Variants in HHLA2 observed in about 807,000 individuals in gnomAD.
The protein encoded by HHLA2 is HERV-H LTR-associating protein 2.
A neutral mutation model predicts 45.9 loss-of-function variants in HHLA2; 48 were observed. That is an observed-to-expected ratio of 1.05 (90% CI 0.83 to 1.33). The LOEUF is 1.33. HHLA2 is among the 40% of genes most tolerant of loss of function. The pLI is 0.00. For synonymous variants in HHLA2, 161 were observed against 173.9 expected (o/e 0.93, Z 0.59); for missense variants, 462 against 494.3 (o/e 0.93, Z 0.62).
At chr3:108,299,109 A>G (rs2080809681) in intron 1 of HHLA2, among the ~76,000 whole-genome samples, 1 of 152,154 alleles carries the variant, frequency 6.6e-6, no homozygotes. Flanking sequence ...CTTAACTGCA[A>G]TCACTACAAT....
chr3:108,357,980 T>A lies in HHLA2; in HGVS notation c.822T>A (p.Tyr274Ter). ...GGACTTTCTCTGTCCTGGCTTACTA[T>A]CTGAGCTCCTCACAAAATACAATTA... Residue 274 changes from tyrosine (Y) to a stop codon, truncating the protein, a stop_gained, in exon 7 of 11, where the codon TAT (tyrosine) becomes TAA (stop). Transcript: ENST00000619531. LOFTEE classifies it high-confidence loss of function. The A allele has an allele frequency of 6.2e-7, 1 of 1,613,814 alleles. No homozygotes were observed. Among genetic ancestry groups the A allele is most frequent in the Non-Finnish European group, 8.5e-7 (1 of 1,179,730 alleles).
intron 8 of HHLA2, among the ~76,000 whole-genome samples, chr3:108,370,876 G>T (rs924648105): frequency 6.6e-6 from 1 of 152,216 alleles, no homozygotes; most frequent in Admixed American, 6.5e-5. Flanking sequence ...GTGATGGGGA[G>T]AATGGAACCA....
chr3:108,299,235 T>A (rs1251526120), intron 1 of HHLA2, among the ~76,000 whole-genome samples: 1 of 152,008 alleles, frequency 6.6e-6, no homozygotes, highest in South Asian at 2.1e-4. Flanking sequence ...CTAGTAGCTC[T>A]GTAGTTATAT....
chr3:108,313,126 C>G (rs922436875), intron 2 of HHLA2, among the ~76,000 whole-genome samples: 3 of 152,160 alleles, frequency 2.0e-5, no homozygotes, highest in African/African-American at 7.2e-5. Context: ...TCAAGAGTAT[C>G]AATACCTGTG....
intron 5 of HHLA2, among the ~76,000 whole-genome samples, chr3:108,354,263 T>G (rs906569341): frequency 2.0e-5 from 3 of 152,060 alleles, no homozygotes; most frequent in African/African-American, 7.2e-5. Context: ...TATAACACTA[T>G]ACCTATATAA....
At position 108,358,167 on chromosome 3, in the gene HHLA2, T is replaced by C. The variant is rs762138541; in HGVS notation, c.1003+6T>C. 1.9e-6 allele frequency: 3 copies of C among 1,589,594 alleles called. No individual in the cohort carries two copies. The highest frequency in any genetic ancestry group is 2.3e-5 in the South Asian group (2 of 87,792). ...CATCCACACAGTGCATGTAGGTAAGTTGCAAGTAGGTTTGGATAATGGGTT... is the reference window on the plus strand; with the variant it reads ...CATCCACACAGTGCATGTAGGTAAGCTGCAAGTAGGTTTGGATAATGGGTT... On this transcript the variant is annotated splice_donor_region_variant and intron_variant, in intron 7 of 10. Coordinates refer to ENST00000619531, the Ensembl canonical transcript of HHLA2.
chr3:108,310,663 G>C lies in HHLA2; in HGVS notation c.-183G>C, dbSNP rs140395366. ...TTGATTTCTCATCTCAGCACATATA[G>C]AACTGGATGCCCTTGTGGTACATCT... On this transcript the variant is annotated 5_prime_UTR_variant, in exon 2 of 11. Transcript: ENST00000619531. The C allele has an allele frequency of 3.9e-5, 6 of 152,704 alleles. No homozygotes were observed. The East Asian group carries it at 1.2e-3, about 29-fold the overall frequency. 9.5% of individuals were successfully genotyped at this position (152,704 alleles called of 1,614,324 possible).
At chr3:108,362,143 A>AGTCT (rs2081992648) in intron 7 of HHLA2, among the ~76,000 whole-genome samples, 199 bp from the exon 7 acceptor site, 1 of 152,202 alleles carries the variant, frequency 6.6e-6, no homozygotes, top group Admixed American at 6.5e-5. Flanking sequence ...TCTCCTGTCC[A>AGTCT]GTCTGGGCTC....
intron 2 of HHLA2, among the ~76,000 whole-genome samples, chr3:108,319,979 T>A (rs1282468757): frequency 6.6e-6 from 1 of 152,200 alleles, no homozygotes; most frequent in East Asian, 1.9e-4. Context: ...TAATGTCGAC[T>A]TTACCCATGA....
intron 2 of HHLA2, chr3:108,328,230 G>A: frequency 1.0e-6 from 1 of 967,076 alleles, no homozygotes; most frequent in Non-Finnish European, 1.5e-6. Flanking sequence ...CTGGGGCATT[G>A]ATACTCTGGA....
At chr3:108,306,812 A>ATT (rs1016139893) in intron 1 of HHLA2, among the ~76,000 whole-genome samples, 3 of 151,580 alleles carry the variant, frequency 2.0e-5, no homozygotes, top group African/African-American at 7.3e-5. Context: ...ATATATATAT[A>ATT]TTTTTCTATT....
At chr3:108,344,783 C>G (rs75057979) in intron 3 of HHLA2, among the ~76,000 whole-genome samples, 9,732 of 152,272 alleles carry the variant, frequency 0.064, 514 homozygotes, top group East Asian at 0.3. Context: ...TTTCTTTTGT[C>G]TGTTTTCTTG....
In HHLA2 at chr3:108,346,897, G is replaced by C. The variant is rs13326280; in HGVS notation, c.-26-4891G>C. On this transcript the variant is annotated intron_variant, in intron 3 of 10. Transcript: ENST00000619531. ...GTTCTGTTTTCGCTATTTTATGCTT[G>C]TAGAAATGGCCTCAATTTTCTCTTC... Among the ~76,000 whole-genome samples the C allele has an allele frequency of 7.2e-3, 1,094 of 152,274 alleles. 9 individuals are homozygous for C. Among genetic ancestry groups the C allele is most frequent in the African/African-American group, 0.025 (1,025 of 41,570 alleles).
intron 3 of HHLA2, among the ~76,000 whole-genome samples, chr3:108,343,160 A>G (rs1346439917): frequency 6.6e-6 from 1 of 152,204 alleles, no homozygotes; most frequent in African/African-American, 2.4e-5. Context: ...TAGGAGGTCA[A>G]GATAAGTTGG....
intron 2 of HHLA2, among the ~76,000 whole-genome samples, chr3:108,320,849 A>C (rs2081186862): frequency 6.6e-6 from 1 of 152,060 alleles, no homozygotes; most frequent in Non-Finnish European, 1.5e-5. Context: ...ACTGTAATGC[A>C]AAGCAGGTAC....
chr3:108,345,222 G>T (rs1016023357), intron 3 of HHLA2, among the ~76,000 whole-genome samples: 1 of 152,240 alleles, frequency 6.6e-6, no homozygotes. Context: ...CTGGGCTACA[G>T]GATGTTTCTT....
At chr3:108,362,090 A>T (rs1012846707) in intron 7 of HHLA2, among the ~76,000 whole-genome samples, 3 of 152,158 alleles carry the variant, frequency 2.0e-5, no homozygotes, top group Non-Finnish European at 4.4e-5. Context: ...GTTTCCCACA[A>T]TAGATACACT....
At chr3:108,315,998 A>G (rs954069200) in intron 2 of HHLA2, among the ~76,000 whole-genome samples, 1 of 151,850 alleles carries the variant, frequency 6.6e-6, no homozygotes, top group Non-Finnish European at 1.5e-5. Flanking sequence ...CAGGTGAGCT[A>G]TTGCATTATA....
intron 2 of HHLA2, among the ~76,000 whole-genome samples, chr3:108,312,576 A>C (rs911044331): frequency 2.6e-5 from 4 of 152,194 alleles, no homozygotes; most frequent in Non-Finnish European, 5.9e-5. Flanking sequence ...GGGGTGGCCC[A>C]TGCCCAATGA....
Sources: gnomAD v4.1 joint callset for allele counts (sites outside exome capture counted in the v4.1 genomes callset) on GRCh38, gnomAD v4.1.1 for gene constraint, MANE v1.5 for transcripts, NCBI Gene and HGNC (gene_info 2026-07-23, HGNC 2026-07-21) for gene names.